Variants in PPP4R3A observed in about 807,000 individuals in gnomAD.
PPP4R3A encodes serine/threonine-protein phosphatase 4 regulatory subunit 3A.
In PPP4R3A, 15 loss-of-function variants were observed where a neutral mutation model predicts 91.7. The observed-to-expected ratio is 0.16, with a 90% CI of 0.11 to 0.25. PPP4R3A has a LOEUF of 0.25. PPP4R3A is among the 10% of genes least tolerant of loss of function. The pLI is 1.00. For missense variants in PPP4R3A, 623 were observed against 998.4 expected, an observed-to-expected ratio of 0.62 and a Z score of 5.07; for synonymous variants, 377 against 348.7, an observed-to-expected ratio of 1.08 and a Z score of -0.91.
intron 1 of PPP4R3A, among the ~76,000 whole-genome samples, chr14:91,500,841 C>T (rs1281927125): frequency 1.3e-5 from 2 of 151,900 alleles, no homozygotes; most frequent in African/African-American, 4.8e-5. Flanking sequence ...AAGACCAGCC[C>T]GGGCAACATG....
chr14:91,471,278 T>A (rs1300989766), intron 9 of PPP4R3A, among the ~76,000 whole-genome samples: 1 of 152,206 alleles, frequency 6.6e-6, no homozygotes, highest in African/African-American at 2.4e-5. Context: ...AGAGTTATGA[T>A]ACAAATCTAG....
intron 1 of PPP4R3A, among the ~76,000 whole-genome samples, chr14:91,496,501 C>A (rs1368137682): frequency 6.6e-6 from 1 of 152,078 alleles, no homozygotes; most frequent in Non-Finnish European, 1.5e-5. Flanking sequence ...GTCTCTTTTA[C>A]ATTTTCTTCA....
chr14:91,463,796 G>GT (rs1298626487), intron 11 of PPP4R3A, among the ~76,000 whole-genome samples: 9 of 152,034 alleles, frequency 5.9e-5, no homozygotes, highest in South Asian at 2.1e-4. Context: ...GTCCATGTGC[G>GT]TATTTGTTAT....
chr14:91,471,396 G>A (rs2140089213), intron 9 of PPP4R3A, among the ~76,000 whole-genome samples: 1 of 152,290 alleles, frequency 6.6e-6, no homozygotes, highest in African/African-American at 2.4e-5. Flanking sequence ...CATCTTTGGT[G>A]CAATTACTCT....
At position 91,481,843 on chromosome 14, in the gene PPP4R3A, A is replaced by AC; in HGVS notation, c.647dup (p.Cys216TrpfsTer12). The AC allele has an allele frequency of 6.2e-7, 1 of 1,614,184 alleles. No homozygotes were observed. On this transcript the variant is annotated frameshift_variant, in exon 4 of 15. Coordinates refer to ENST00000554943, the MANE Select transcript of PPP4R3A (RefSeq NM_001366432.2). LOFTEE classifies it high-confidence loss of function. ...CTAAACATCCAATGACGTCCATTATACATTCTTCAGAGAACATAACTTCAA... is the reference window on the plus strand; with the variant it reads ...CTAAACATCCAATGACGTCCATTATACCATTCTTCAGAGAACATAACTTCAA...
At chr14:91,460,515 TGCTAGCCC>T (rs1888066204) in intron 14 of PPP4R3A, among the ~76,000 whole-genome samples, 1 of 152,092 alleles carries the variant, frequency 6.6e-6, no homozygotes, top group African/African-American at 2.4e-5. Context: ...ACTGCTAGTC[TGCTAGCCC>T]AATAATCAAT....
intron 3 of PPP4R3A, 144 bp downstream of exon 3, chr14:91,485,488 C>A: frequency 1.6e-6 from 1 of 635,118 alleles, no homozygotes; most frequent in African/African-American, 1.8e-5. Flanking sequence ...TAAATTACAC[C>A]TTCCTTTAAA....
intron 9 of PPP4R3A, 71 bp downstream of exon 9, chr14:91,472,962 C>A: frequency 7.0e-7 from 1 of 1,427,486 alleles, no homozygotes; most frequent in Non-Finnish European, 9.7e-7. Context: ...CCTAAAAAGA[C>A]TGACTTAACA....
intron 1 of PPP4R3A, among the ~76,000 whole-genome samples, chr14:91,501,544 C>T (rs1467184920): frequency 6.6e-6 from 1 of 152,030 alleles, no homozygotes; most frequent in Non-Finnish European, 1.5e-5. Context: ...GTGGTCCCAG[C>T]TACTTGGGAC....
Position 91,481,984 on chromosome 14 carries a change from A to G in PPP4R3A, c.507T>C (p.Tyr169=), listed in dbSNP as rs1424511142. ...GAAAAAGCTCCAGGAGCTTTTTAAT[A>G]TAACCCTCATTTTCTAGTGCCAGTG... is the stretch of plus-strand genomic sequence containing the variant. ...KLALALENEG[Y]IKKLLELFHV... is the part of the protein sequence containing the mutation. Residue 169 remains tyrosine, a synonymous_variant, in exon 4 of 15, where the codon TAT becomes TAC. Transcript: ENST00000554943. 2.5e-6 allele frequency: 4 copies of G among 1,614,008 alleles called. No homozygotes were observed. The highest frequency in any genetic ancestry group is 2.5e-6 in the Non-Finnish European group (3 of 1,180,038).
intron 7 of PPP4R3A, among the ~76,000 whole-genome samples, chr14:91,473,582 T>G: frequency 6.6e-6 from 1 of 152,202 alleles, no homozygotes; most frequent in Non-Finnish European, 1.5e-5. Context: ...AGAAATTTCT[T>G]GTCTATTATC....
intron 2 of PPP4R3A, among the ~76,000 whole-genome samples, chr14:91,488,868 TA>T (rs1286465184): frequency 1.3e-5 from 2 of 151,504 alleles, no homozygotes; most frequent in Non-Finnish European, 2.9e-5. Flanking sequence ...ATGGGAAAGA[TA>T]TATACTGTTA....
chr14:91,461,277 A>C (rs1888136956), intron 14 of PPP4R3A, 104 bp downstream of exon 14: 1 of 1,007,566 alleles, frequency 9.9e-7, no homozygotes, highest in African/African-American at 1.6e-5. Context: ...AGGGATGTTA[A>C]ATCAGTTCTA....
chr14:91,470,807 A>C (rs769955618), intron 10 of PPP4R3A, 30 bp downstream of exon 10: 7 of 1,595,086 alleles, frequency 4.4e-6, no homozygotes, highest in Non-Finnish European at 6.0e-6. Flanking sequence ...ATGTCAATAT[A>C]CAAAGATGAT....
In PPP4R3A at chr14:91,457,603, T is replaced by C. The variant is rs1203985072; in HGVS notation, c.*1156A>G. ...AAAACAAAAACAAGAAACATACAAC[T>C]AATACAATTTCTCTTACTCTTCACT... On this transcript the variant is annotated 3_prime_UTR_variant, in exon 15 of 15. Transcript: ENST00000554943. 2.0e-5 allele frequency: 3 copies of C among 152,626 alleles called. No homozygotes were observed. The highest frequency in any genetic ancestry group is 1.5e-5 in the Non-Finnish European group (1 of 68,012). 9.5% of individuals were successfully genotyped at this position (152,626 alleles called of 1,614,324 possible).
At position 91,458,603 on chromosome 14, in the gene PPP4R3A, T is replaced by C. The variant is rs1054521461; in HGVS notation, c.*156A>G. 28 of 1,059,180 alleles carry C rather than the reference T, an allele frequency of 2.6e-5. 2 individuals are homozygous for C. Among genetic ancestry groups the C allele is most frequent in the South Asian group, 2.1e-4 (17 of 79,098 alleles). 65.6% of individuals were successfully genotyped at this position (1,059,180 alleles called of 1,614,324 possible). On this transcript the variant is annotated 3_prime_UTR_variant, in exon 15 of 15. Transcript: ENST00000554943. ...TATGATATCCCCTCCTCCTGCTCCA[T>C]TGAATTGGCACTTGATGAGCAGAAG...
chr14:91,473,500 A>T, intron 7 of PPP4R3A, 130 bp from the exon 8 acceptor site: 1 of 953,788 alleles, frequency 1.0e-6, no homozygotes, highest in South Asian at 1.8e-5. Context: ...GAAATGTTTA[A>T]CTCAGTTATC....
Position 91,492,070 on chromosome 14 carries a change from G to A in PPP4R3A, c.143-1268C>T, listed in dbSNP as rs1890260299. ...CATGATAATCTGACGAGTAAGGACT[G>A]GGTAACAATAGAAATCTACTAATTT... On this transcript the variant is annotated intron_variant, in intron 1 of 14. Transcript: ENST00000554943. 2.0e-5 allele frequency among the ~76,000 whole-genome samples: 3 copies of A among 152,260 alleles called. No individual in the cohort carries two copies. The South Asian group carries it at 6.2e-4, about 32-fold the overall frequency.
chr14:91,465,437 G>A lies in PPP4R3A; in HGVS notation c.1661-18C>T, dbSNP rs750387841. ...AAGGGCACCTGAAACACAGAGGCAT[G>A]GTTGTTTAAATCACATACCACTCTT... On this transcript the variant is annotated intron_variant, in intron 10 of 14. Transcript: ENST00000554943. 1 of 1,558,122 alleles carries A rather than the reference G, an allele frequency of 6.4e-7. No individual in the cohort carries two copies. The highest frequency in any genetic ancestry group is 1.4e-5 in the African/African-American group (1 of 72,474).
Sources: allele counts gnomAD v4.1 joint callset (sites outside exome capture counted in the v4.1 genomes callset), GRCh38; gene constraint gnomAD v4.1.1; transcripts MANE v1.5; gene names NCBI Gene and HGNC (gene_info 2026-07-23, HGNC 2026-07-21).